The following MAP3K7CL variants were observed in gnomAD, a reference collection of about 807,000 sequenced individuals.
The protein encoded by MAP3K7CL is MAP3K7 C-terminal like.
In MAP3K7CL, 16 loss-of-function variants were observed where a neutral mutation model predicts 18.6. That is an observed-to-expected ratio of 0.86 (90% CI 0.58 to 1.31). MAP3K7CL has a LOEUF of 1.31. MAP3K7CL is among the 50% of genes most tolerant of loss of function. The pLI is 0.00. For synonymous variants in MAP3K7CL, 65 were observed against 66.8 expected (o/e 0.97, Z 0.13); for missense variants, 163 against 174.4 (o/e 0.93, Z 0.37).
intron 4 of MAP3K7CL, among the ~76,000 whole-genome samples, chr21:29,124,490 T>C (rs2086651457): frequency 6.6e-6 from 1 of 151,564 alleles, no homozygotes; most frequent in Admixed American, 6.6e-5. Flanking sequence ...TTTAGATAAA[T>C]AGATAGCTAA....
chr21:29,085,545 TAAAAAAAAAA>T (rs33938293), upstream of MAP3K7CL, among the ~76,000 whole-genome samples: 5 of 48,990 alleles, frequency 1.0e-4, no homozygotes, highest in Middle Eastern at 0.01. Flanking sequence ...AGACTCTGTC[TAAAAAAAAAA>T]AAAAAAAAAA....
chr21:29,101,437 T>G (rs1039785032), intron 4 of MAP3K7CL, among the ~76,000 whole-genome samples: 14 of 152,132 alleles, frequency 9.2e-5, no homozygotes, highest in African/African-American at 2.4e-4. Context: ...TGAGACGGAG[T>G]CTCGCTCTGT....
chr21:29,137,158 G>A (rs1466185302), intron 2 of MAP3K7CL, among the ~76,000 whole-genome samples: 13 of 152,256 alleles, frequency 8.5e-5, no homozygotes, highest in Non-Finnish European at 1.6e-4. Flanking sequence ...TAAGGGAAAT[G>A]TAAACCACTA....
chr21:29,108,277 A>G (rs1020016534), intron 4 of MAP3K7CL, among the ~76,000 whole-genome samples: 3 of 152,206 alleles, frequency 2.0e-5, no homozygotes, highest in Non-Finnish European at 1.5e-5. Flanking sequence ...GCACACAAAA[A>G]AGAGGTCATG....
chr21:29,159,111 G>A (rs1160122316), intron 3 of MAP3K7CL, among the ~76,000 whole-genome samples: 4 of 151,724 alleles, frequency 2.6e-5, no homozygotes, highest in Admixed American at 1.3e-4. Context: ...AGTAGAGATG[G>A]GTTTTCATCA....
At chr21:29,078,168 T>C (rs2085779852) in intron 1 of MAP3K7CL, among the ~76,000 whole-genome samples, 1 of 152,192 alleles carries the variant, frequency 6.6e-6, no homozygotes, top group Non-Finnish European at 1.5e-5. Context: ...CTGCCTCCAT[T>C]TGTATTGTTT....
chr21:29,122,939 A>G (rs1346032655), intron 4 of MAP3K7CL, among the ~76,000 whole-genome samples: 14 of 152,202 alleles, frequency 9.2e-5, no homozygotes, highest in Non-Finnish European at 1.5e-5. Context: ...ATTGGTTGAT[A>G]AGAACTTTGT....
intron 4 of MAP3K7CL, among the ~76,000 whole-genome samples, chr21:29,113,020 G>T (rs962504102): frequency 2.6e-5 from 4 of 152,114 alleles, no homozygotes; most frequent in African/African-American, 9.7e-5. Flanking sequence ...TGTTGGCCAG[G>T]CTAGTCTCAA....
intron 4 of MAP3K7CL, among the ~76,000 whole-genome samples, chr21:29,114,494 G>C (rs538823118): frequency 3.3e-4 from 50 of 152,138 alleles, no homozygotes; most frequent in Non-Finnish European, 6.5e-4. Context: ...GAGCTCAATT[G>C]ATCCTCCCAC....
chr21:29,160,164 G>A, intron 4 of MAP3K7CL, 108 bp downstream of exon 4: 1 of 731,000 alleles, frequency 1.4e-6, no homozygotes, highest in South Asian at 2.0e-5. Flanking sequence ...GGAGGCAAGG[G>A]GGTTACAGCA....
upstream of MAP3K7CL, among the ~76,000 whole-genome samples, chr21:29,084,747 T>C (rs983195905): frequency 6.6e-6 from 1 of 152,238 alleles, no homozygotes; most frequent in African/African-American, 2.4e-5. Context: ...ATCAGGAATC[T>C]CAATGAAGAA....
rs568272430 is a variant in MAP3K7CL at position 29,172,544 on chromosome 21, A to G, written c.249-2168A>G. 4.3e-4 allele frequency among the ~76,000 whole-genome samples: 66 copies of G among 152,276 alleles called. 2 individuals carry two copies. In the South Asian group the frequency reaches 0.013, roughly 31 times the overall value. ...TTTGTAGGAGACACTGAGGTTATGTAAATATTTTGTTCCTTATCAGACTTT... is the reference window on the plus strand; with the variant it reads ...TTTGTAGGAGACACTGAGGTTATGTGAATATTTTGTTCCTTATCAGACTTT... On this transcript the variant is annotated intron_variant, in intron 4 of 4. Transcript: ENST00000399928.
chr21:29,146,791 G>A (rs1481793387), intron 2 of MAP3K7CL, among the ~76,000 whole-genome samples: 1 of 152,184 alleles, frequency 6.6e-6, no homozygotes, highest in Admixed American at 6.5e-5. Context: ...TACTACTCTT[G>A]ACTAAAATAT....
At chr21:29,167,607 A>G (rs763037076) in intron 4 of MAP3K7CL, among the ~76,000 whole-genome samples, 7 of 151,886 alleles carry the variant, frequency 4.6e-5, no homozygotes, top group Non-Finnish European at 1.0e-4. Flanking sequence ...AGGCTTTTAA[A>G]CTGTGTTCTG....
chr21:29,097,418 C>T (rs187937616), intron 4 of MAP3K7CL, among the ~76,000 whole-genome samples: 2 of 152,166 alleles, frequency 1.3e-5, no homozygotes, highest in African/African-American at 4.8e-5. Context: ...AAAAATATTA[C>T]TATTGTTCAT....
At chr21:29,151,439 A>G (rs558228426) in intron 3 of MAP3K7CL, among the ~76,000 whole-genome samples, 1 of 152,136 alleles carries the variant, frequency 6.6e-6, no homozygotes, top group South Asian at 2.1e-4. Context: ...GTACCACTGC[A>G]CTCCAGCCTG....
chr21:29,152,810 C>T (rs2087308408), intron 3 of MAP3K7CL, among the ~76,000 whole-genome samples: 1 of 152,158 alleles, frequency 6.6e-6, no homozygotes. Context: ...TTACTATTCC[C>T]TTCTTTCCCT....
chr21:29,110,092 A>G (rs2086393841), intron 4 of MAP3K7CL, among the ~76,000 whole-genome samples: 1 of 152,234 alleles, frequency 6.6e-6, no homozygotes, highest in Non-Finnish European at 1.5e-5. Context: ...CAAGCCTTGT[A>G]TAACTTTTAA....
intron 3 of MAP3K7CL, among the ~76,000 whole-genome samples, chr21:29,159,384 G>A (rs2776252): frequency 0.3 from 45,996 of 151,926 alleles, 7,986 homozygotes; most frequent in Non-Finnish European, 0.38. Flanking sequence ...GGGGGAGGGA[G>A]ATCCGGCCTT....
Sources: allele counts gnomAD v4.1 joint callset (sites outside exome capture counted in the v4.1 genomes callset), GRCh38; gene constraint gnomAD v4.1.1; transcripts MANE v1.5; gene names NCBI Gene and HGNC (gene_info 2026-07-23, HGNC 2026-07-21).